Variants in CLDN16 observed in about 807,000 individuals in gnomAD.
CLDN16 encodes the protein claudin-16.
Under a neutral mutation model 24.6 loss-of-function variants are expected in CLDN16, and 13 were observed. That is an observed-to-expected ratio of 0.53 (90% CI 0.34 to 0.84). The LOEUF (loss-of-function observed/expected upper bound fraction) is 0.84. Among genes scored for constraint, CLDN16 ranks in the 40% least tolerant of loss-of-function variants. The pLI is 0.01. For missense variants in CLDN16, 298 were observed against 292.7 expected (o/e 1.02, Z -0.13); for synonymous variants, 116 against 106.7 (o/e 1.09, Z -0.54).
chr3:190,377,174 C>T (rs1718264357), intron 3 of CLDN16, among the ~76,000 whole-genome samples: 1 of 151,874 alleles, frequency 6.6e-6, no homozygotes, highest in South Asian at 2.1e-4. Flanking sequence ...AGAAGTGAAT[C>T]TAGAGAGGAA....
At chr3:190,347,021 C>A (rs2108632985) in intron 1 of CLDN16, among the ~76,000 whole-genome samples, 1 of 152,248 alleles carries the variant, frequency 6.6e-6, no homozygotes, top group Non-Finnish European at 1.5e-5. Flanking sequence ...TTGGAGGATA[C>A]TCTTTATCCT....
chr3:190,295,987 C>T, the CLDN16 span, among the ~76,000 whole-genome samples: 1 of 151,904 alleles, frequency 6.6e-6, no homozygotes, highest in South Asian at 2.1e-4. Context: ...TTTATTTCAT[C>T]TTCTAAATGA....
chr3:190,395,494 T>C (rs1718794240), intron 1 of CLDN16, among the ~76,000 whole-genome samples: 1 of 151,978 alleles, frequency 6.6e-6, no homozygotes, highest in African/African-American at 2.4e-5. Flanking sequence ...AGAGTCTTGG[T>C]TGGAAAATTT....
At chr3:190,403,134 C>G (rs1719004875) in intron 2 of CLDN16, among the ~76,000 whole-genome samples, 1 of 152,056 alleles carries the variant, frequency 6.6e-6, no homozygotes, top group Non-Finnish European at 1.5e-5. Context: ...TCGAAACCAG[C>G]CTGGCCAACA....
intron 1 of CLDN16, among the ~76,000 whole-genome samples, chr3:190,355,925 A>G (rs1717760139): frequency 6.6e-6 from 1 of 151,334 alleles, no homozygotes; most frequent in African/African-American, 2.4e-5. Context: ...ACTTCCTATG[A>G]AATATACCTG....
At chr3:190,366,088 T>C (rs1295541977) in intron 1 of CLDN16, among the ~76,000 whole-genome samples, 2 of 151,952 alleles carry the variant, frequency 1.3e-5, no homozygotes, top group Admixed American at 1.3e-4. Flanking sequence ...TCTCAATCAA[T>C]GCTTTCTGGA....
intron 1 of CLDN16, among the ~76,000 whole-genome samples, chr3:190,331,247 T>C (rs1717174124): frequency 6.6e-6 from 1 of 152,184 alleles, no homozygotes; most frequent in South Asian, 2.1e-4. Context: ...GCAACTTTCT[T>C]CCTCTACCGT....
chr3:190,399,816 C>G (rs1025330480), intron 1 of CLDN16, among the ~76,000 whole-genome samples: 32 of 150,242 alleles, frequency 2.1e-4, no homozygotes, highest in African/African-American at 7.9e-4. Context: ...CTGGGCTGTG[C>G]AGTGGGAGGT....
intron 1 of CLDN16, among the ~76,000 whole-genome samples, chr3:190,324,871 T>G (rs1717026221): frequency 6.6e-6 from 1 of 152,176 alleles, no homozygotes; most frequent in Non-Finnish European, 1.5e-5. Flanking sequence ...TTCCAAATAC[T>G]GGCCTTTCAT....
the CLDN16 span, among the ~76,000 whole-genome samples, chr3:190,290,677 C>T: frequency 6.6e-6 from 1 of 151,980 alleles, no homozygotes; most frequent in South Asian, 2.1e-4. Flanking sequence ...GGTAATACAA[C>T]CTTTATCTTA....
chr3:190,367,866 A>G (rs2108645625), intron 1 of CLDN16, among the ~76,000 whole-genome samples: 1 of 152,080 alleles, frequency 6.6e-6, no homozygotes, highest in Middle Eastern at 3.4e-3. Flanking sequence ...CATTTTTCTT[A>G]CATTCCCATA....
intron 1 of CLDN16, among the ~76,000 whole-genome samples, chr3:190,395,528 A>G (rs1181302300): frequency 6.6e-6 from 1 of 152,072 alleles, no homozygotes; most frequent in African/African-American, 2.4e-5. Context: ...GTTAAAATTG[A>G]AAATGTTTCC....
At chr3:190,325,482 A>T (rs533159337) in intron 1 of CLDN16, among the ~76,000 whole-genome samples, 1 of 152,306 alleles carries the variant, frequency 6.6e-6, no homozygotes, top group South Asian at 2.1e-4. Flanking sequence ...ATGTGGCAAA[A>T]AGTTGTTGCT....
At position 190,374,911 on chromosome 3, in the gene CLDN16, C is replaced by A. The variant is rs554862509; in HGVS notation, n.306+308C>A. ...GCAGAGAGTAAATAGGACTTGATAT[C>A]TTAAAAATAAAGGTAGAGAATAGGG... On this transcript the variant is annotated intron_variant and non_coding_transcript_variant, in intron 3 of 4. Transcript: ENST00000468220. 3.3e-5 allele frequency among the ~76,000 whole-genome samples: 5 copies of A among 151,940 alleles called. No individual in the cohort carries two copies. In the South Asian group the frequency reaches 1.0e-3, roughly 31 times the overall value.
At chr3:190,406,780 C>T (rs1246647778) in intron 3 of CLDN16, among the ~76,000 whole-genome samples, 5 of 133,372 alleles carry the variant, frequency 3.7e-5, no homozygotes, top group South Asian at 4.7e-4. Flanking sequence ...CTCGCTCTGT[C>T]GCCCAGGCTG....
chr3:190,296,743 G>C, the CLDN16 span, among the ~76,000 whole-genome samples: 1 of 151,676 alleles, frequency 6.6e-6, no homozygotes, highest in African/African-American at 2.4e-5. Context: ...TAGAGGTGGG[G>C]GTTTCACCGT....
At chr3:190,310,074 C>G in the CLDN16 span, 1 of 1,010,282 alleles carries the variant, frequency 9.9e-7, no homozygotes, top group Non-Finnish European at 1.6e-6. Context: ...TTCTTGAAAG[C>G]AAATCTGGGA....
chr3:190,388,137 A>T (rs1378331193), upstream of CLDN16: 4 of 1,613,744 alleles, frequency 2.5e-6, no homozygotes, highest in Admixed American at 5.0e-5. Context: ...CCAGGACCCC[A>T]CTGTTGGTTA....
At chr3:190,399,748 A>G (rs1718915439) in intron 1 of CLDN16, among the ~76,000 whole-genome samples, 1 of 152,130 alleles carries the variant, frequency 6.6e-6, no homozygotes, top group African/African-American at 2.4e-5. Flanking sequence ...AGTGCTATAG[A>G]ACAGGGGTCC....
Sources: gnomAD v4.1 joint callset for allele counts (sites outside exome capture counted in the v4.1 genomes callset) on GRCh38, gnomAD v4.1.1 for gene constraint, MANE v1.5 for transcripts, NCBI Gene and HGNC (gene_info 2026-07-23, HGNC 2026-07-21) for gene names.